The following COL27A1 variants were observed in gnomAD, a reference collection of about 807,000 sequenced individuals.
COL27A1 encodes the protein collagen alpha-1(XXVII) chain.
In COL27A1, 106 loss-of-function variants were observed where a neutral mutation model predicts 251.3. The observed-to-expected ratio is 0.42, with a 90% confidence interval of 0.36 to 0.50. COL27A1 has a LOEUF of 0.50. COL27A1 is among the 20% of genes least tolerant of loss of function. The pLI is 0.00. For synonymous variants in COL27A1, 1,000 were observed against 986.3 expected, an observed-to-expected ratio of 1.01 and a Z score of -0.26; for missense variants, 2,325 against 2,522.8, an observed-to-expected ratio of 0.92 and a Z score of 1.68.
At chr9:114,271,278 CTG>C (rs1033520987) in intron 36 of COL27A1, 2 of 158,944 alleles carry the variant, frequency 1.3e-5, no homozygotes, top group African/African-American at 2.4e-5. Flanking sequence ...GATGAGGAAA[CTG>C]AGACTCAGAG....
intron 37 of COL27A1, 83 bp downstream of exon 37, chr9:114,275,851 G>A (rs1835468315): frequency 1.1e-5 from 10 of 871,636 alleles, no homozygotes; most frequent in Non-Finnish European, 1.7e-5. Context: ...GGGCGGGAGG[G>A]CTTTTGGTCG....
At chr9:114,159,993 C>T (rs929982902) in intron 1 of COL27A1, among the ~76,000 whole-genome samples, 3 of 152,214 alleles carry the variant, frequency 2.0e-5, no homozygotes, top group Non-Finnish European at 2.9e-5. Flanking sequence ...TTAGTCGTTG[C>T]CCATGGTGAG....
intron 19 of COL27A1, among the ~76,000 whole-genome samples, chr9:114,240,008 A>G (rs1009038755): frequency 3.3e-5 from 5 of 152,150 alleles, no homozygotes; most frequent in Non-Finnish European, 4.4e-5. Flanking sequence ...CGTCCGGTGT[A>G]TTGTCTCAGC....
At chr9:114,197,882 G>A (rs954959087) in intron 7 of COL27A1, among the ~76,000 whole-genome samples, 2 of 152,254 alleles carry the variant, frequency 1.3e-5, no homozygotes, top group Admixed American at 6.5e-5. Flanking sequence ...TGGGCGAAGT[G>A]TCGGGGAGCT....
intron 25 of COL27A1, among the ~76,000 whole-genome samples, chr9:114,252,010 G>A (rs1295687829): frequency 6.6e-6 from 1 of 152,210 alleles, no homozygotes; most frequent in African/African-American, 2.4e-5. Flanking sequence ...CTGGCTGGGT[G>A]GATACAAGAA....
Position 114,205,158 on chromosome 9 carries a change from A to G in COL27A1, c.2169+12A>G, listed in dbSNP as rs41306490. ...ACCCCGGAGAACAGGTGAGGGCCTC[A>G]GCCTCAGCCCTGCCCTGGTCGCTCT... On this transcript the variant is annotated intron_variant, in intron 8 of 60. Coordinates refer to ENST00000356083, the MANE Select transcript of COL27A1 (RefSeq NM_032888.4). The G allele has an allele frequency of 0.02, 32,112 of 1,611,698 alleles. 928 individuals carry two copies. The highest frequency in any genetic ancestry group is 0.11 in the African/African-American group (8,297 of 74,914).
At chr9:114,164,737 A>AG (rs1198254129) in intron 2 of COL27A1, among the ~76,000 whole-genome samples, 1 of 152,232 alleles carries the variant, frequency 6.6e-6, no homozygotes, top group African/African-American at 2.4e-5. Flanking sequence ...ATAGTATTTC[A>AG]TGATAATAAG....
At chr9:114,252,817 G>C in intron 26 of COL27A1, 62 bp from the exon 27 acceptor site, 2 of 1,552,108 alleles carry the variant, frequency 1.3e-6, no homozygotes, top group Non-Finnish European at 1.8e-6. Flanking sequence ...AGCCGACCGA[G>C]GTGGGACTGA....
chr9:114,243,708 A>G (rs1256999434), intron 23 of COL27A1, 148 bp downstream of exon 23: 2 of 630,740 alleles, frequency 3.2e-6, no homozygotes, highest in Admixed American at 3.0e-5. Flanking sequence ...GGTAAGGGAG[A>G]AAAAAATGGA....
chr9:114,291,489 C>T (rs1158265799), intron 48 of COL27A1, among the ~76,000 whole-genome samples: 2 of 152,174 alleles, frequency 1.3e-5, no homozygotes, highest in Admixed American at 1.3e-4. Flanking sequence ...GTGGCTCACA[C>T]CTGTAATCCC....
chr9:114,230,992 A>G (rs2135429957), intron 14 of COL27A1, 87 bp from the exon 15 acceptor site: 1 of 1,126,752 alleles, frequency 8.9e-7, no homozygotes, highest in East Asian at 2.4e-5. Flanking sequence ...GCCCAGGCCC[A>G]GGGACCTTGG....
chr9:114,235,199 C>G (rs1832286619), intron 16 of COL27A1, among the ~76,000 whole-genome samples: 1 of 152,128 alleles, frequency 6.6e-6, no homozygotes, highest in Non-Finnish European at 1.5e-5. Context: ...CGCTCCGAAA[C>G]CACGTTGGTG....
intron 19 of COL27A1, 105 bp from the exon 20 acceptor site, chr9:114,240,113 TCC>T: frequency 9.9e-7 from 1 of 1,015,136 alleles, no homozygotes; most frequent in Non-Finnish European, 1.6e-6. Flanking sequence ...TGGGGTCCCA[TCC>T]CAGCAGGATG....
rs531450041 is a variant in COL27A1, at chr9:114,282,297, G to C, written c.3738G>C (p.Gly1246=). 6 of 1,613,996 alleles carry C rather than the reference G, an allele frequency of 3.7e-6. No individual in the cohort carries two copies. In the African/African-American group the frequency reaches 6.7e-5, roughly 18 times the overall value. ...TTCAGGGTCCTGAAGGAAAATCAGGGAAGCAAGGCGAGAAGGGCCGCACTG... is the reference window on the plus strand; with the variant it reads ...TTCAGGGTCCTGAAGGAAAATCAGGCAAGCAAGGCGAGAAGGGCCGCACTG... The part of the protein sequence containing the change: ...TGVRGPEGKS[G]KQGEKGRTGA... Residue 1246 remains glycine (G), a synonymous_variant, in exon 38 of 61, where the codon GGG becomes GGC. Transcript: ENST00000356083.
At chr9:114,270,299 G>T (rs1835052096) in intron 35 of COL27A1, among the ~76,000 whole-genome samples, 1 of 152,218 alleles carries the variant, frequency 6.6e-6, no homozygotes, top group South Asian at 2.1e-4. Context: ...AACAGCCAGT[G>T]AATGAGAAAC....
chr9:114,277,275 C>T (rs1762512379), intron 37 of COL27A1, among the ~76,000 whole-genome samples: 1 of 152,106 alleles, frequency 6.6e-6, no homozygotes, highest in South Asian at 2.1e-4. Context: ...GCCTCGTAGA[C>T]AAAATGCCCA....
At chr9:114,219,099 G>T (rs1338853831) in intron 12 of COL27A1, among the ~76,000 whole-genome samples, 1 of 152,148 alleles carries the variant, frequency 6.6e-6, no homozygotes, top group East Asian at 1.9e-4. Flanking sequence ...GCCCCCGAAG[G>T]CGTCCTTACA....
chr9:114,161,177 G>A lies in COL27A1; in HGVS notation c.63-1538G>A, dbSNP rs542830302. ...GCTTGTTACCTTATGTGCCCAAAAT[G>A]ACTGCAGCAGCTCCGAGCAGTATGT... On this transcript the variant is annotated intron_variant, in intron 1 of 60. Coordinates refer to ENST00000356083, the MANE Select transcript of COL27A1 (RefSeq NM_032888.4). Among the ~76,000 whole-genome samples the A allele has an allele frequency of 2.1e-3, 313 of 152,128 alleles. 1 individual carries two copies. Among genetic ancestry groups the A allele is most frequent in the African/African-American group, 6.9e-3 (288 of 41,488 alleles).
intron 18 of COL27A1, 55 bp downstream of exon 18, chr9:114,237,089 T>A: frequency 1.3e-6 from 2 of 1,501,342 alleles, no homozygotes; most frequent in Non-Finnish European, 1.8e-6. Context: ...ACTGATCGTG[T>A]AATGTGGCTG....
Sources: allele counts gnomAD v4.1 joint callset (sites outside exome capture counted in the v4.1 genomes callset), GRCh38; gene constraint gnomAD v4.1.1; transcripts MANE v1.5; gene names NCBI Gene and HGNC (gene_info 2026-07-23, HGNC 2026-07-21).